Variants in CTNNA3 observed in about 807,000 individuals in gnomAD.
CTNNA3 encodes catenin alpha 3.
CTNNA3 carries 76 observed loss-of-function variants against 95.7 expected under a neutral mutation model. The ratio of observed to expected loss-of-function variants is 0.79; its 90% confidence interval spans 0.66 to 0.96. The LOEUF is 0.96. CTNNA3 is among the 40% of genes least tolerant of loss of function. CTNNA3 has a pLI of 0.00. For missense variants in CTNNA3, 1,191 were observed against 1,089.8 expected (o/e 1.09, Z -1.31); for synonymous variants, 431 against 374.4 (o/e 1.15, Z -1.74).
chr10:66,663,270 G>A (rs984024130), intron 9 of CTNNA3, among the ~76,000 whole-genome samples: 10 of 151,712 alleles, frequency 6.6e-5, no homozygotes, highest in African/African-American at 2.4e-4. Flanking sequence ...CCTAAAAGCT[G>A]GCCCCTCCCC....
intron 13 of CTNNA3, 139 bp from the exon 14 acceptor site, chr10:66,103,388 G>A (rs2081733797): frequency 1.5e-6 from 1 of 663,044 alleles, no homozygotes; most frequent in Admixed American, 2.3e-5. Context: ...ATATACTCAA[G>A]AGAAAGGAAG....
chr10:66,067,968 C>G (rs4279912), intron 15 of CTNNA3, among the ~76,000 whole-genome samples: 44,615 of 151,852 alleles, frequency 0.29, 7,053 homozygotes, highest in South Asian at 0.43. Flanking sequence ...GATAGGTTCC[C>G]TGAAGTATAG....
At chr10:66,063,225 TAG>T (rs2133578689) in intron 15 of CTNNA3, among the ~76,000 whole-genome samples, 1 of 92,990 alleles carries the variant, frequency 1.1e-5, no homozygotes, top group African/African-American at 4.1e-5. Flanking sequence ...GATATAGATA[TAG>T]ATAGATAGAT....
chr10:67,750,663 T>C, intron 1 of CTNNA3: 1 of 1,545,896 alleles, frequency 6.5e-7, no homozygotes, highest in Non-Finnish European at 8.9e-7. Context: ...GCAAAGATGA[T>C]AAAGGTAATA....
intron 3 of CTNNA3, among the ~76,000 whole-genome samples, chr10:67,584,240 G>C (rs1842535146): frequency 6.6e-6 from 1 of 152,088 alleles, no homozygotes; most frequent in Non-Finnish European, 1.5e-5. Flanking sequence ...GTACAGATGG[G>C]GTTTTGGTGT....
chr10:67,202,303 A>C (rs1863683228), intron 6 of CTNNA3, among the ~76,000 whole-genome samples: 1 of 152,162 alleles, frequency 6.6e-6, no homozygotes, highest in Non-Finnish European at 1.5e-5. Flanking sequence ...TCTTAAACTT[A>C]GCAGTGAACA....
At chr10:67,554,951 C>T (rs1243057064) in intron 3 of CTNNA3, among the ~76,000 whole-genome samples, 3 of 152,128 alleles carry the variant, frequency 2.0e-5, no homozygotes, top group Admixed American at 1.3e-4. Context: ...AGGAAGGGAT[C>T]CAGTTTCAGC....
chr10:66,562,400 A>C (rs1173321104), intron 10 of CTNNA3, among the ~76,000 whole-genome samples: 1 of 152,172 alleles, frequency 6.6e-6, no homozygotes, highest in Admixed American at 6.6e-5. Flanking sequence ...CAGATAGCCC[A>C]GCTGAGATTT....
intron 17 of CTNNA3, among the ~76,000 whole-genome samples, chr10:65,950,432 T>C (rs2077590558): frequency 6.6e-6 from 1 of 152,130 alleles, no homozygotes; most frequent in Admixed American, 6.5e-5. Flanking sequence ...TTTTCTTCTG[T>C]GTTTTTCCCT....
chr10:67,186,256 C>T lies in CTNNA3; in HGVS notation c.844-5736G>A, dbSNP rs985711651. On this transcript the variant is annotated intron_variant, in intron 6 of 17. Coordinates refer to ENST00000433211, the MANE Select transcript of CTNNA3 (RefSeq NM_013266.4). ...TGTAAGTACTGCAAGAAAAAACTGC[C>T]GTGATTTTTGGCAGTTCTGGCTTTT... is the stretch of plus-strand genomic sequence containing the variant. 1.8e-4 allele frequency among the ~76,000 whole-genome samples: 27 copies of T among 152,078 alleles called. 1 individual carries two copies. The highest frequency in any genetic ancestry group is 1.6e-3 in the Admixed American group (24 of 15,268).
chr10:67,571,145 A>T (rs1233894382), intron 3 of CTNNA3, among the ~76,000 whole-genome samples: 1 of 152,120 alleles, frequency 6.6e-6, no homozygotes, highest in Non-Finnish European at 1.5e-5. Context: ...AATAATACTG[A>T]TTTGTATTTA....
At chr10:66,594,612 G>A (rs1007403026) in intron 10 of CTNNA3, among the ~76,000 whole-genome samples, 1 of 152,052 alleles carries the variant, frequency 6.6e-6, no homozygotes, top group African/African-American at 2.4e-5. Context: ...AATTGTACAC[G>A]GTTTTTTCCT....
chr10:66,517,961 G>A (rs775480580), intron 11 of CTNNA3, among the ~76,000 whole-genome samples: 5 of 152,054 alleles, frequency 3.3e-5, no homozygotes, highest in African/African-American at 1.2e-4. Flanking sequence ...CCTCCTGTAC[G>A]GACAATTCTA....
At chr10:66,456,017 A>T (rs2093492786) in intron 11 of CTNNA3, among the ~76,000 whole-genome samples, 1 of 152,254 alleles carries the variant, frequency 6.6e-6, no homozygotes, top group Non-Finnish European at 1.5e-5. Flanking sequence ...TGTATGCAGA[A>T]AACAACAAAT....
intron 7 of CTNNA3, among the ~76,000 whole-genome samples, chr10:66,851,655 C>T (rs1200115160): frequency 6.6e-6 from 1 of 151,514 alleles, no homozygotes; most frequent in East Asian, 1.9e-4. Flanking sequence ...CACACACACA[C>T]ACACACACAC....
chr10:66,191,978 G>A (rs1165688423), intron 13 of CTNNA3, among the ~76,000 whole-genome samples: 1 of 152,066 alleles, frequency 6.6e-6, no homozygotes, highest in Non-Finnish European at 1.5e-5. Flanking sequence ...CAGTCCCCTG[G>A]CCATCCACTC....
intron 11 of CTNNA3, among the ~76,000 whole-genome samples, chr10:66,398,319 T>C (rs941492922): frequency 7.9e-5 from 12 of 151,880 alleles, no homozygotes; most frequent in Non-Finnish European, 1.6e-4. Context: ...ATTTCCTAAT[T>C]ATGTGCTCAA....
intron 5 of CTNNA3, among the ~76,000 whole-genome samples, chr10:67,226,588 C>T (rs1365223534): frequency 6.6e-6 from 1 of 152,146 alleles, no homozygotes; most frequent in African/African-American, 2.4e-5. Context: ...TCAAACAAAA[C>T]AATTATCAGC....
intron 7 of CTNNA3, among the ~76,000 whole-genome samples, chr10:66,782,515 A>G (rs1195998049): frequency 2.0e-5 from 3 of 152,106 alleles, no homozygotes; most frequent in Non-Finnish European, 4.4e-5. Flanking sequence ...AAAGTTACAA[A>G]TCATCTCATT....
Sources: gnomAD v4.1 joint callset for allele counts (sites outside exome capture counted in the v4.1 genomes callset) on GRCh38, gnomAD v4.1.1 for gene constraint, MANE v1.5 for transcripts, NCBI Gene and HGNC (gene_info 2026-07-23, HGNC 2026-07-21) for gene names.